CCSER1: variants seen among roughly 807,000 people sequenced by gnomAD.
CCSER1 encodes the protein serine-rich coiled-coil domain-containing protein 1.
In CCSER1, 41 loss-of-function variants were observed where a neutral mutation model predicts 82.0. The observed-to-expected ratio is 0.50, with a 90% confidence interval of 0.39 to 0.65. CCSER1 has a LOEUF of 0.65. CCSER1 is among the 30% of genes least tolerant of loss of function. CCSER1 has a pLI of 0.00. For missense variants in CCSER1, 1,119 were observed against 1,064.2 expected (o/e 1.05, Z -0.72); for synonymous variants, 414 against 383.9 (o/e 1.08, Z -0.92).
rs528027194 is a variant in CCSER1, at chr4:90,933,144, T to A, written c.2172+9697T>A. 6.4e-5 allele frequency among the ~76,000 whole-genome samples: 7 copies of A among 109,212 alleles called. No individual in the cohort carries two copies. In the East Asian group the frequency reaches 9.3e-4, roughly 15 times the overall value. 71.6% of individuals were successfully genotyped at this position (109,212 alleles called of 152,430 possible). On this transcript the variant is annotated intron_variant, in intron 9 of 10. Transcript: ENST00000509176. ...AATGTTACCTAGAAGTGTGTGTGTGTGTGTGTGTGTGTGTGTGTGTGTGTG... is the reference window on the plus strand; with the variant it reads ...AATGTTACCTAGAAGTGTGTGTGTGAGTGTGTGTGTGTGTGTGTGTGTGTG...
At chr4:90,458,341 T>TA (rs1241592974) in intron 4 of CCSER1, among the ~76,000 whole-genome samples, 2 of 151,708 alleles carry the variant, frequency 1.3e-5, no homozygotes, top group African/African-American at 4.8e-5. Flanking sequence ...CTTTAGAAAA[T>TA]AGAGTCTGCC....
chr4:90,471,950 C>G (rs992925121), intron 5 of CCSER1, among the ~76,000 whole-genome samples: 5 of 151,682 alleles, frequency 3.3e-5, no homozygotes, highest in African/African-American at 7.3e-5. Flanking sequence ...GCACTCCAGT[C>G]TGGGTGACAA....
At chr4:90,684,250 CAG>C (rs2149196242) in intron 6 of CCSER1, among the ~76,000 whole-genome samples, 2 of 152,206 alleles carry the variant, frequency 1.3e-5, no homozygotes, top group East Asian at 3.9e-4. Flanking sequence ...GCAATAGAAT[CAG>C]AGAGAATTAG....
At chr4:90,176,236 C>G (rs1732636655) in intron 1 of CCSER1, among the ~76,000 whole-genome samples, 1 of 151,976 alleles carries the variant, frequency 6.6e-6, no homozygotes, top group African/African-American at 2.4e-5. Context: ...AAACAGTCTT[C>G]AGAAGCACTC....
chr4:90,312,955 A>G lies in CCSER1; in HGVS notation c.1417A>G (p.Met473Val), dbSNP rs766375876. Reference sequence around the variant, plus strand: ...AGAAGGCACTGCAGGGAGTAGCAGAATGATTTTGAAACCGAAAGATGGAAA... The same window carrying G: ...AGAAGGCACTGCAGGGAGTAGCAGAGTGATTTTGAAACCGAAAGATGGAAA... ...SSEGTAGSSRMILKPKDGNIE... is the reference protein window; with the variant it reads ...SSEGTAGSSRVILKPKDGNIE... Residue 473 changes from methionine (M) to valine (V), a missense_variant, in exon 3 of 11, where the codon ATG becomes GTG. Coordinates refer to ENST00000509176, the MANE Select transcript of CCSER1 (RefSeq NM_001145065.2). The G allele has an allele frequency of 4.4e-6, 7 of 1,596,996 alleles. No individual in the cohort carries two copies. Among genetic ancestry groups the G allele is most frequent in the Non-Finnish European group, 6.0e-6 (7 of 1,170,800 alleles).
chr4:90,685,322 T>A (rs1222847720), intron 6 of CCSER1, among the ~76,000 whole-genome samples: 2 of 152,120 alleles, frequency 1.3e-5, no homozygotes, highest in Admixed American at 1.3e-4. Flanking sequence ...TGCCACTCTG[T>A]TTTCTTCTTG....
At chr4:90,472,450 G>A (rs929400563) in intron 5 of CCSER1, among the ~76,000 whole-genome samples, 15 of 152,032 alleles carry the variant, frequency 9.9e-5, no homozygotes, top group African/African-American at 3.6e-4. Flanking sequence ...ACAAGAATTA[G>A]GAACTCCTAC....
At chr4:90,892,301 C>A (rs529524975) in intron 8 of CCSER1, among the ~76,000 whole-genome samples, 3 of 151,902 alleles carry the variant, frequency 2.0e-5, no homozygotes, top group Admixed American at 2.0e-4. Context: ...TAGCCCCTCT[C>A]CTTGCATTAT....
At chr4:90,936,627 A>T (rs59732917) in intron 9 of CCSER1, among the ~76,000 whole-genome samples, 16,248 of 152,144 alleles carry the variant, frequency 0.11, 1,315 homozygotes, top group East Asian at 0.21. Flanking sequence ...TTTTAAAATT[A>T]AAAAGTGGAT....
chr4:90,416,136 A>G (rs1055076196), intron 4 of CCSER1, among the ~76,000 whole-genome samples: 1 of 152,184 alleles, frequency 6.6e-6, no homozygotes, highest in Non-Finnish European at 1.5e-5. Context: ...TGTGGCTATC[A>G]CTGCACAATA....
chr4:91,092,373 C>T (rs1049530499), intron 10 of CCSER1, among the ~76,000 whole-genome samples: 2 of 152,144 alleles, frequency 1.3e-5, no homozygotes, highest in South Asian at 4.1e-4. Flanking sequence ...AGCCTCTACC[C>T]ACCCAGAGTA....
chr4:90,382,698 T>G (rs1156629128), intron 3 of CCSER1, among the ~76,000 whole-genome samples: 1 of 152,116 alleles, frequency 6.6e-6, no homozygotes, highest in East Asian at 1.9e-4. Flanking sequence ...TCTCTGTACC[T>G]TAATACAAAG....
intron 4 of CCSER1, among the ~76,000 whole-genome samples, chr4:90,411,150 A>G (rs1014061728): frequency 6.6e-6 from 1 of 152,174 alleles, no homozygotes; most frequent in Non-Finnish European, 1.5e-5. Flanking sequence ...CCAACCAAAA[A>G]AAGTCCAGGA....
chr4:91,435,600 A>G (rs1754601113), intron 10 of CCSER1, among the ~76,000 whole-genome samples: 1 of 152,240 alleles, frequency 6.6e-6, no homozygotes, highest in African/African-American at 2.4e-5. Flanking sequence ...TTCTTAAAGC[A>G]TGTGTAGTAT....
At position 90,377,490 on chromosome 4, in the gene CCSER1, C is replaced by T. The variant is rs564278022; in HGVS notation, c.1510-22546C>T. ...ATGTGCAGCAGAATCCTAAATCATT[C>T]TAATGGAAAACAGATTATGCCAGCA... On this transcript the variant is annotated intron_variant, in intron 3 of 10. Transcript: ENST00000509176. Among the ~76,000 whole-genome samples, 3 of 152,182 alleles carry T rather than the reference C, an allele frequency of 2.0e-5. No homozygotes were observed. In the South Asian group the frequency reaches 6.2e-4, roughly 32 times the overall value.
At chr4:90,789,230 G>A (rs1001773203) in intron 7 of CCSER1, among the ~76,000 whole-genome samples, 3 of 152,108 alleles carry the variant, frequency 2.0e-5, no homozygotes, top group East Asian at 3.8e-4. Flanking sequence ...TAAGCCTGGT[G>A]AAAACTATTC....
At chr4:91,128,982 G>A (rs1356852528) in intron 10 of CCSER1, among the ~76,000 whole-genome samples, 5 of 152,178 alleles carry the variant, frequency 3.3e-5, no homozygotes, top group Admixed American at 6.6e-5. Context: ...AAGGTATAGC[G>A]ATATAAGGTG....
intron 10 of CCSER1, among the ~76,000 whole-genome samples, chr4:91,399,288 G>A (rs571453420): frequency 6.6e-6 from 1 of 151,914 alleles, no homozygotes; most frequent in African/African-American, 2.4e-5. Flanking sequence ...TTCCCTATCA[G>A]ATAGCTAAGA....
intron 5 of CCSER1, among the ~76,000 whole-genome samples, chr4:90,589,394 G>A (rs1439960942): frequency 3.3e-5 from 5 of 151,760 alleles, no homozygotes. Context: ...AGAGTTTCAT[G>A]TACCAGAGAT....
Sources: gnomAD v4.1 joint callset for allele counts (sites outside exome capture counted in the v4.1 genomes callset) on GRCh38, gnomAD v4.1.1 for gene constraint, MANE v1.5 for transcripts, NCBI Gene and HGNC (gene_info 2026-07-23, HGNC 2026-07-21) for gene names.